Variants in DLGAP1 observed in about 807,000 individuals in gnomAD.
DLGAP1 encodes DLG associated protein 1.
In DLGAP1, 11 loss-of-function variants were observed where a neutral mutation model predicts 90.8. The ratio of observed to expected loss-of-function variants is 0.12; its 90% CI spans 0.08 to 0.20. DLGAP1 has a LOEUF of 0.20. Ranked by LOEUF, DLGAP1 falls within the 10% of genes least tolerant of loss-of-function variation. The pLI, the probability that DLGAP1 is intolerant of heterozygous loss-of-function variation, is 1.00. For missense variants in DLGAP1, 1,050 were observed against 1,333.8 expected (o/e 0.79, Z 3.31); for synonymous variants, 558 against 540.7 (o/e 1.03, Z -0.44).
intron 1 of DLGAP1, among the ~76,000 whole-genome samples, chr18:4,230,112 A>T (rs747220695): frequency 6.6e-6 from 1 of 152,142 alleles, no homozygotes; most frequent in Non-Finnish European, 1.5e-5. Flanking sequence ...AATGGCTTTT[A>T]TCTAAAAGAC....
chr18:3,920,149 C>T (rs2072234406), intron 3 of DLGAP1, among the ~76,000 whole-genome samples: 1 of 152,044 alleles, frequency 6.6e-6, no homozygotes, highest in Admixed American at 6.6e-5. Flanking sequence ...TCGAGACCAG[C>T]CTGGCCAACA....
rs1555695758 is a variant in DLGAP1 at position 3,600,969 on chromosome 18, G to GATATAGATAT, written c.1592-18722_1592-18721insATATCTATAT. Among the ~76,000 whole-genome samples the GATATAGATAT allele has an allele frequency of 6.9e-5, 6 of 87,504 alleles. 1 individual carries two copies. The highest frequency in any genetic ancestry group is 1.0e-4 in the Admixed American group (1 of 9,622). The allele number at this position is 87,504 out of a possible 152,430, so 57.4% of individuals were successfully genotyped here. ...ATATATAGATATATATAGATATATA[G>GATATAGATAT]ATAGATATATAGATATAGATATATA... is the stretch of plus-strand genomic sequence containing the variant. On this transcript the variant is annotated intron_variant, in intron 7 of 12. Coordinates refer to ENST00000315677, the MANE Select transcript of DLGAP1 (RefSeq NM_004746.4).
chr18:3,880,507 G>A (rs186884403), intron 3 of DLGAP1, among the ~76,000 whole-genome samples: 2 of 152,174 alleles, frequency 1.3e-5, no homozygotes, highest in East Asian at 3.9e-4. Flanking sequence ...TGCCATCTGC[G>A]ACCGTGTTTT....
intron 1 of DLGAP1, among the ~76,000 whole-genome samples, chr18:4,354,270 A>G (rs2081458801): frequency 6.6e-6 from 1 of 152,328 alleles, no homozygotes. Context: ...AAAGCCAGTC[A>G]TAAAACCTAG....
chr18:4,436,325 T>C (rs2144789201), intron 1 of DLGAP1, among the ~76,000 whole-genome samples: 2 of 152,282 alleles, frequency 1.3e-5, no homozygotes, highest in East Asian at 3.9e-4. Context: ...CCAGTGGTTC[T>C]GAAACTTTAG....
intron 3 of DLGAP1, among the ~76,000 whole-genome samples, chr18:3,985,000 T>C (rs1476069459): frequency 1.3e-5 from 2 of 152,204 alleles, no homozygotes; most frequent in Admixed American, 1.3e-4. Flanking sequence ...ACCCTCATTG[T>C]TTTTGTTAAA....
intron 2 of DLGAP1, among the ~76,000 whole-genome samples, chr18:4,143,019 A>C (rs901317638): frequency 6.6e-6 from 1 of 152,132 alleles, no homozygotes; most frequent in African/African-American, 2.4e-5. Context: ...AGGTGACACA[A>C]GCTCACCTGT....
At chr18:4,372,468 T>C (rs1414029723) in intron 1 of DLGAP1, among the ~76,000 whole-genome samples, 1 of 152,266 alleles carries the variant, frequency 6.6e-6, no homozygotes, top group Non-Finnish European at 1.5e-5. Context: ...GTGCTGGAGA[T>C]ACCCACAGCA....
intron 1 of DLGAP1, among the ~76,000 whole-genome samples, chr18:4,352,856 T>C (rs866265799): frequency 6.6e-6 from 1 of 152,144 alleles, no homozygotes; most frequent in Admixed American, 6.5e-5. Flanking sequence ...CCCGTTACTT[T>C]TGTAAATGTG....
At chr18:3,662,886 C>T (rs1198611636) in intron 7 of DLGAP1, among the ~76,000 whole-genome samples, 3 of 152,168 alleles carry the variant, frequency 2.0e-5, no homozygotes, top group Non-Finnish European at 2.9e-5. Flanking sequence ...ATACCTTTTT[C>T]ATATTGAGAG....
At chr18:4,259,623 A>C (rs1598745209) in intron 1 of DLGAP1, among the ~76,000 whole-genome samples, 1 of 152,206 alleles carries the variant, frequency 6.6e-6, no homozygotes, top group East Asian at 1.9e-4. Context: ...ATTGCTAAGA[A>C]ATCTAAATAA....
At chr18:4,420,040 G>A (rs2082993523) in intron 1 of DLGAP1, among the ~76,000 whole-genome samples, 1 of 152,098 alleles carries the variant, frequency 6.6e-6, no homozygotes, top group Admixed American at 6.5e-5. Flanking sequence ...GAAAGCAAGG[G>A]TAGCTATGCT....
intron 7 of DLGAP1, among the ~76,000 whole-genome samples, chr18:3,687,501 T>G (rs1164451854): frequency 1.3e-5 from 2 of 152,242 alleles, no homozygotes; most frequent in African/African-American, 2.4e-5. Flanking sequence ...GATGATGATC[T>G]TATCAGATCT....
intron 7 of DLGAP1, among the ~76,000 whole-genome samples, chr18:3,642,478 C>A (rs957581591): frequency 2.0e-5 from 3 of 152,036 alleles, no homozygotes; most frequent in African/African-American, 7.3e-5. Flanking sequence ...TGCTTTTAGC[C>A]CTATCTGGAG....
intron 7 of DLGAP1, among the ~76,000 whole-genome samples, chr18:3,582,949 T>G (rs550224420): frequency 6.6e-6 from 1 of 150,640 alleles, no homozygotes; most frequent in South Asian, 2.1e-4. Flanking sequence ...AGAGAGGAGG[T>G]CTCTCTGTGT....
chr18:3,842,145 G>A (rs1315969887), intron 4 of DLGAP1, among the ~76,000 whole-genome samples: 1 of 151,858 alleles, frequency 6.6e-6, no homozygotes, highest in African/African-American at 2.4e-5. Context: ...GGGGTTGTAG[G>A]CAGGCAGAAG....
intron 8 of DLGAP1, chr18:3,580,617 G>A: frequency 6.3e-7 from 1 of 1,591,092 alleles, no homozygotes; most frequent in Admixed American, 1.7e-5. Context: ...CTGGAAGAAT[G>A]TGCCGGTGAG....
intron 1 of DLGAP1, among the ~76,000 whole-genome samples, chr18:4,171,777 T>C (rs1164804605): frequency 6.6e-6 from 1 of 152,178 alleles, no homozygotes; most frequent in African/African-American, 2.4e-5. Context: ...AAAAAATAAT[T>C]ACAAAATATG....
chr18:3,814,005 C>T (rs886624866), intron 5 of DLGAP1, 54 bp downstream of exon 5: 46 of 1,560,870 alleles, frequency 2.9e-5, no homozygotes, highest in Non-Finnish European at 3.7e-5. Context: ...ATCTGAGCCT[C>T]GGTGATAATA....
Sources: gnomAD v4.1 joint callset for allele counts (sites outside exome capture counted in the v4.1 genomes callset) on GRCh38, gnomAD v4.1.1 for gene constraint, MANE v1.5 for transcripts, NCBI Gene and HGNC (gene_info 2026-07-23, HGNC 2026-07-21) for gene names.